SYNJ2BP: variants seen among roughly 807,000 people sequenced by gnomAD.
The protein encoded by SYNJ2BP is synaptojanin 2 binding protein, also known as synaptojanin-2-binding protein.
Under a neutral mutation model 16.9 loss-of-function variants are expected in SYNJ2BP, and 10 were observed. The ratio of observed to expected loss-of-function variants is 0.59; its 90% CI spans 0.36 to 1.00. SYNJ2BP has a LOEUF of 1.00. Among genes scored for constraint, SYNJ2BP ranks in the 50% least tolerant of loss-of-function variants. SYNJ2BP has a pLI of 0.01. For synonymous variants in SYNJ2BP, 54 were observed against 68.4 expected (o/e 0.79, Z 1.04); for missense variants, 162 against 186.7 (o/e 0.87, Z 0.77).
At position 70,388,619 on chromosome 14, in the gene SYNJ2BP, T is replaced by C. The variant is rs1216331518; in HGVS notation, c.65-13A>G. The C allele has an allele frequency of 5.4e-6, 8 of 1,476,828 alleles. No homozygotes were observed. Among genetic ancestry groups the C allele is most frequent in the African/African-American group, 1.5e-5 (1 of 68,712 alleles). 91.5% of individuals were successfully genotyped at this position (1,476,828 alleles called of 1,614,324 possible). A position where few individuals can be genotyped will look rare whatever the true frequency, so the allele number is the denominator to read the frequency against. On this transcript the variant is annotated splice_polypyrimidine_tract_variant and intron_variant, in intron 1 of 3. Coordinates refer to ENST00000256366, the MANE Select transcript of SYNJ2BP (RefSeq NM_018373.3). ...TTGAAGCCCAGCCCTGAGAAAATCA[T>C]GGAGGAGTAAAAAGATGGGGGTGAA... is the stretch of plus-strand genomic sequence containing the variant.
At chr14:70,401,213 G>A (rs1242227896) in intron 1 of SYNJ2BP, among the ~76,000 whole-genome samples, 1 of 152,160 alleles carries the variant, frequency 6.6e-6, no homozygotes, top group Non-Finnish European at 1.5e-5. Flanking sequence ...CAAACTGAAT[G>A]AGAGACCTAC....
At chr14:70,400,334 G>A (rs536078153) in intron 1 of SYNJ2BP, among the ~76,000 whole-genome samples, 3 of 152,268 alleles carry the variant, frequency 2.0e-5, no homozygotes, top group Non-Finnish European at 4.4e-5. Context: ...CATATACTCA[G>A]ACATTTGGAT....
chr14:70,378,424 C>CTTTTTTTTTTTTTTTTTTTTT, intron 2 of SYNJ2BP, among the ~76,000 whole-genome samples: 1 of 110,132 alleles, frequency 9.1e-6, no homozygotes, highest in Non-Finnish European at 1.8e-5. Context: ...TTCCTTCAAA[C>CTTTTTTTTTTTTTTTTTTTTT]TTTTTTTTTT....
At chr14:70,396,959 T>A (rs530982454) in intron 1 of SYNJ2BP, among the ~76,000 whole-genome samples, 14 of 152,322 alleles carry the variant, frequency 9.2e-5, no homozygotes, top group Admixed American at 1.3e-4. Context: ...CCTCATAGTG[T>A]CCTTTGAAAC....
rs1009603021 is a variant in SYNJ2BP at position 70,371,076 on chromosome 14, G to A, written c.*1915C>T. 6.6e-6 allele frequency: 1 copy of A among 152,192 alleles called. No individual in the cohort carries two copies. The highest frequency in any genetic ancestry group is 1.5e-5 in the Non-Finnish European group (1 of 68,024). The allele number at this position is 152,192 out of a possible 1,614,324, so 9.4% of individuals were successfully genotyped here. ...AGAAATGAAATACAGTTGATTGCCT[G>A]AGTCCTGATAATCTTGCTAACAAAA... is the stretch of plus-strand genomic sequence containing the variant. On this transcript the variant is annotated 3_prime_UTR_variant, in exon 4 of 4. Transcript: ENST00000256366.
intron 2 of SYNJ2BP, among the ~76,000 whole-genome samples, chr14:70,379,839 A>C (rs1357902372): frequency 2.0e-5 from 3 of 152,228 alleles, no homozygotes; most frequent in Non-Finnish European, 4.4e-5. Context: ...CAGACAAGTA[A>C]GTTAATGATG....
In SYNJ2BP at chr14:70,373,138, G is replaced by A. The variant is rs1215240918; in HGVS notation, c.298-7C>T. The A allele has an allele frequency of 1.9e-6, 3 of 1,612,688 alleles. No homozygotes were observed. The highest frequency in any genetic ancestry group is 2.5e-6 in the Non-Finnish European group (3 of 1,179,616). On this transcript the variant is annotated splice_polypyrimidine_tract_variant and splice_region_variant and intron_variant, in intron 3 of 3. Transcript: ENST00000256366. The stretch of plus-strand genomic sequence containing the variant: ...GTCCATTCTGCACCTGTAACTGGAA[G>A]GGAAAGAAAAATGTTAACTCTAGTG...
At chr14:70,382,403 G>A (rs892785067) in intron 2 of SYNJ2BP, among the ~76,000 whole-genome samples, 1 of 152,198 alleles carries the variant, frequency 6.6e-6, no homozygotes, top group South Asian at 2.1e-4. Flanking sequence ...TGTCATTCCT[G>A]TTATAGGTTA....
chr14:70,388,872 T>G (rs1032950897), intron 1 of SYNJ2BP, among the ~76,000 whole-genome samples: 1 of 151,744 alleles, frequency 6.6e-6, no homozygotes, highest in African/African-American at 2.4e-5. Context: ...TAAAGAAAGA[T>G]CTATATAGAA....
chr14:70,381,926 T>C (rs115923343), intron 2 of SYNJ2BP, among the ~76,000 whole-genome samples: 6,989 of 152,274 alleles, frequency 0.046, 195 homozygotes, highest in Middle Eastern at 0.075. Flanking sequence ...TATTGTGAAA[T>C]CAATCCAGTG....
chr14:70,403,554 T>C (rs1307225849), intron 1 of SYNJ2BP, among the ~76,000 whole-genome samples: 1 of 152,182 alleles, frequency 6.6e-6, no homozygotes, highest in East Asian at 1.9e-4. Flanking sequence ...GAGTGACCTC[T>C]GGTGGTCCTC....
chr14:70,375,205 CTTTTTT>C (rs201793770), intron 3 of SYNJ2BP, among the ~76,000 whole-genome samples: 1 of 121,218 alleles, frequency 8.2e-6, no homozygotes, highest in East Asian at 2.2e-4. Context: ...CTCTTTTTTT[CTTTTTT>C]TTTTTTTTGA....
intron 1 of SYNJ2BP, among the ~76,000 whole-genome samples, chr14:70,395,570 CATCA>C (rs1194232558): frequency 5.9e-5 from 9 of 152,196 alleles, no homozygotes; most frequent in African/African-American, 1.9e-4. Flanking sequence ...TTCTCCCAGA[CATCA>C]ATCAAACTCC....
intron 1 of SYNJ2BP, among the ~76,000 whole-genome samples, chr14:70,403,081 C>G (rs1888274300): frequency 6.6e-6 from 1 of 152,142 alleles, no homozygotes; most frequent in Admixed American, 6.5e-5. Flanking sequence ...TTCTATGCCT[C>G]TAGGGGTATC....
intron 1 of SYNJ2BP, among the ~76,000 whole-genome samples, chr14:70,403,187 A>C (rs1193126755): frequency 1.3e-5 from 2 of 152,346 alleles, no homozygotes; most frequent in Middle Eastern, 3.4e-3. Flanking sequence ...TGGTAGTCTA[A>C]ACAGGGAGAG....
chr14:70,389,701 T>C (rs865882842), intron 1 of SYNJ2BP, among the ~76,000 whole-genome samples: 14 of 152,328 alleles, frequency 9.2e-5, no homozygotes, highest in African/African-American at 3.1e-4. Context: ...TGTTGGCCCT[T>C]AAAAAATTTT....
At chr14:70,394,135 A>C (rs1014323092) in intron 1 of SYNJ2BP, among the ~76,000 whole-genome samples, 1 of 152,100 alleles carries the variant, frequency 6.6e-6, no homozygotes, top group Non-Finnish European at 1.5e-5. Context: ...TGTAAAAAAA[A>C]AGAAACATGG....
intron 1 of SYNJ2BP, among the ~76,000 whole-genome samples, chr14:70,409,468 C>T (rs1888421807): frequency 6.6e-6 from 1 of 152,216 alleles, no homozygotes; most frequent in Non-Finnish European, 1.5e-5. Flanking sequence ...AGTCACATGG[C>T]TTCGCAAAAT....
In SYNJ2BP at chr14:70,367,822, A is replaced by G. The variant is rs1381135464; in HGVS notation, c.*5169T>C. ...GGTGATGTTAAAAAAATACTTTAAC[A>G]TCAAAATCACCTACAAATATTCCTC... is the stretch of plus-strand genomic sequence containing the variant. On this transcript the variant is annotated 3_prime_UTR_variant, in exon 4 of 4. Coordinates refer to ENST00000256366, the MANE Select transcript of SYNJ2BP (RefSeq NM_018373.3). 2.0e-5 allele frequency: 3 copies of G among 152,180 alleles called. No individual in the cohort carries two copies. In the East Asian group the frequency reaches 5.8e-4, roughly 29 times the overall value. 9.4% of individuals were successfully genotyped at this position (152,180 alleles called of 1,614,324 possible). A position where few individuals can be genotyped will look rare whatever the true frequency, so the allele number is the denominator to read the frequency against.
Sources: allele counts gnomAD v4.1 joint callset (sites outside exome capture counted in the v4.1 genomes callset), GRCh38; gene constraint gnomAD v4.1.1; transcripts MANE v1.5; gene names NCBI Gene and HGNC (gene_info 2026-07-23, HGNC 2026-07-21).